Variants in CD8B2 observed in about 807,000 individuals in gnomAD.
CD8B2 encodes the protein CD8B family member 2, also known as T-cell surface glycoprotein CD8 beta-2 chain.
In CD8B2, 11 loss-of-function variants were observed where a neutral mutation model predicts 23.7. The observed-to-expected ratio is 0.46, with a 90% CI of 0.29 to 0.77. The LOEUF is 0.77. Among genes scored for constraint, CD8B2 ranks in the 30% least tolerant of loss-of-function variants. CD8B2 has a pLI of 0.09. For missense variants in CD8B2, 197 were observed against 270.5 expected (o/e 0.73, Z 1.91); for synonymous variants, 90 against 109.3 (o/e 0.82, Z 1.10).
rs555818465 is a variant in CD8B2 at position 106,527,778 on chromosome 2, G to C, written c.621-16214G>C. 3.5e-4 allele frequency among the ~76,000 whole-genome samples: 53 copies of C among 149,884 alleles called. 1 individual carries two copies. Among genetic ancestry groups the C allele is most frequent in the African/African-American group, 1.2e-3 (50 of 40,560 alleles). ...AGCCTGGGCCACAGAGCGAGACTTT[G>C]TCTCAAAAACAAACCAAAACAAAAC... is the stretch of plus-strand genomic sequence containing the variant. On this transcript the variant is annotated intron_variant, in intron 5 of 5. Transcript: ENST00000416057.
intron 5 of CD8B2, among the ~76,000 whole-genome samples, chr2:106,536,170 G>C (rs561468989): frequency 6.6e-6 from 1 of 152,106 alleles, no homozygotes; most frequent in Non-Finnish European, 1.5e-5. Flanking sequence ...GAGTAGCTGG[G>C]ATTACAGGCA....
rs1679573969 is a variant in CD8B2 at position 106,509,239 on chromosome 2, A to T, written c.*2299A>T. The T allele has an allele frequency of 1.3e-5, 2 of 152,262 alleles. No homozygotes were observed. Among genetic ancestry groups the T allele is most frequent in the African/African-American group, 4.8e-5 (2 of 41,454 alleles). The allele number at this position is 152,262 out of a possible 1,614,324, so 9.4% of individuals were successfully genotyped here. On this transcript the variant is annotated 3_prime_UTR_variant, in exon 6 of 6. Coordinates refer to ENST00000643224, the MANE Select transcript of CD8B2 (RefSeq NM_001349727.2). ...TCAGCAAGAGTTGTTCAAAAGAAAC[A>T]AAAGCTCTGCCCATCAGCTCTGAGG...
chr2:106,495,346 C>A (rs1277856649), intron 2 of CD8B2, among the ~76,000 whole-genome samples: 1 of 151,974 alleles, frequency 6.6e-6, no homozygotes, highest in Non-Finnish European at 1.5e-5. Context: ...CATGGTGAAA[C>A]CCCGTCTCTA....
At chr2:106,515,288 G>A (rs1412940822), downstream of CD8B2, among the ~76,000 whole-genome samples, 1 of 152,204 alleles carries the variant, frequency 6.6e-6, no homozygotes, top group African/African-American at 2.4e-5. Flanking sequence ...GATATTAGGT[G>A]TAGCCTATTT....
intron 1 of CD8B2, among the ~76,000 whole-genome samples, chr2:106,488,477 G>A (rs1330950516): frequency 6.6e-6 from 1 of 152,056 alleles, no homozygotes; most frequent in Non-Finnish European, 1.5e-5. Flanking sequence ...GCCAGGAGAG[G>A]AAATGCACAC....
chr2:106,518,361 T>C (rs114824399), intron 5 of CD8B2, among the ~76,000 whole-genome samples: 253 of 152,242 alleles, frequency 1.7e-3, no homozygotes, highest in Non-Finnish European at 3.2e-3. Flanking sequence ...TGTAAAGACA[T>C]AGCTGAAAAT....
chr2:106,532,024 G>T (rs991685061), intron 5 of CD8B2, among the ~76,000 whole-genome samples: 26 of 152,222 alleles, frequency 1.7e-4, no homozygotes, highest in African/African-American at 6.3e-4. Flanking sequence ...AGCCAGCTGT[G>T]CATATTGCAC....
At chr2:106,514,056 G>C (rs1327624923), downstream of CD8B2, among the ~76,000 whole-genome samples, 42 of 147,130 alleles carry the variant, frequency 2.9e-4, no homozygotes, top group Middle Eastern at 3.5e-3. Context: ...GGGGATGAAG[G>C]AGGAGAGAAG....
intron 5 of CD8B2, among the ~76,000 whole-genome samples, chr2:106,529,918 T>C (rs1359472781): frequency 1.3e-5 from 2 of 152,164 alleles, no homozygotes; most frequent in African/African-American, 4.8e-5. Flanking sequence ...GGTGTAGCAG[T>C]CAAAGTTAGT....
downstream of CD8B2, among the ~76,000 whole-genome samples, chr2:106,516,004 A>AT: frequency 6.7e-6 from 1 of 148,628 alleles, no homozygotes; most frequent in South Asian, 2.2e-4. Flanking sequence ...TTTTTTTTGT[A>AT]TTTTTGGTAG....
At chr2:106,521,064 G>A (rs555358652) in intron 5 of CD8B2, among the ~76,000 whole-genome samples, 2 of 151,766 alleles carry the variant, frequency 1.3e-5, no homozygotes, top group East Asian at 3.9e-4. Context: ...GAGAGACAGA[G>A]AGAGAGACAG....
chr2:106,530,453 A>G (rs1416599880), intron 5 of CD8B2, among the ~76,000 whole-genome samples: 1 of 152,136 alleles, frequency 6.6e-6, no homozygotes, highest in Non-Finnish European at 1.5e-5. Flanking sequence ...ATCTCGGCTC[A>G]CTGCAAGCTC....
intron 3 of CD8B2, among the ~76,000 whole-genome samples, chr2:106,496,959 TC>T (rs1679312226): frequency 6.6e-6 from 1 of 152,168 alleles, no homozygotes; most frequent in African/African-American, 2.4e-5. Context: ...AAAAATCCAC[TC>T]AAAGGACCAG....
intron 5 of CD8B2, among the ~76,000 whole-genome samples, chr2:106,530,187 CTG>C (rs1679971515): frequency 6.6e-6 from 1 of 152,194 alleles, no homozygotes; most frequent in Non-Finnish European, 1.5e-5. Context: ...AGTGGCACTC[CTG>C]TGAAGGACGG....
downstream of CD8B2, among the ~76,000 whole-genome samples, chr2:106,511,585 G>GTCTC (rs1679632453): frequency 6.6e-6 from 1 of 151,832 alleles, no homozygotes; most frequent in South Asian, 2.1e-4. Context: ...CGCAGCTTGT[G>GTCTC]TCTCTACCTG....
intron 3 of CD8B2, among the ~76,000 whole-genome samples, chr2:106,499,591 C>G (rs898139414): frequency 1.3e-5 from 2 of 151,582 alleles, no homozygotes; most frequent in African/African-American, 4.8e-5. Context: ...AAAGTTCACC[C>G]ATTTTAAGCA....
At position 106,507,957 on chromosome 2, in the gene CD8B2, C is replaced by T. The variant is rs1044527477; in HGVS notation, c.*1017C>T. On this transcript the variant is annotated 3_prime_UTR_variant, in exon 6 of 6. Coordinates refer to ENST00000643224, the MANE Select transcript of CD8B2 (RefSeq NM_001349727.2). ...CAGGGATCCCTGGCTTCAAGTCAGG[C>T]ACCAAACAGAAGGTAGGAGGCATGA... 6.7e-6 allele frequency: 1 copy of T among 148,698 alleles called. No individual in the cohort carries two copies. Among genetic ancestry groups the T allele is most frequent in the African/African-American group, 2.5e-5 (1 of 40,118 alleles). 9.2% of individuals were successfully genotyped at this position (148,698 alleles called of 1,614,324 possible). A position where few individuals can be genotyped will look rare whatever the true frequency, so the allele number is the denominator to read the frequency against.
intron 5 of CD8B2, among the ~76,000 whole-genome samples, chr2:106,527,616 C>T (rs529437775): frequency 4.6e-5 from 7 of 152,264 alleles, no homozygotes; most frequent in African/African-American, 1.2e-4. Flanking sequence ...AACCCTGTCT[C>T]TACTAAAAAT....
At chr2:106,514,099 G>A (rs534945568), downstream of CD8B2, among the ~76,000 whole-genome samples, 9 of 141,156 alleles carry the variant, frequency 6.4e-5, no homozygotes, top group East Asian at 1.8e-3. Context: ...CAGAGCCAGT[G>A]CTCACTCTGG....
Sources: allele counts gnomAD v4.1 joint callset (sites outside exome capture counted in the v4.1 genomes callset), GRCh38; gene constraint gnomAD v4.1.1; transcripts MANE v1.5; gene names NCBI Gene and HGNC (gene_info 2026-07-23, HGNC 2026-07-21).